Variants in GPR155 observed in about 807,000 individuals in gnomAD.
The protein encoded by GPR155 is G protein-coupled receptor 155.
In GPR155, 65 loss-of-function variants were observed where a neutral mutation model predicts 93.1. The observed-to-expected ratio is 0.70, with a 90% CI of 0.57 to 0.86. The LOEUF (loss-of-function observed/expected upper bound fraction) is 0.86, where lower values mean the gene tolerates loss of function less well. Ranked by LOEUF, GPR155 falls within the 40% of genes least tolerant of loss-of-function variation. The probability of loss-of-function intolerance (pLI) is 0.00; values close to 1 mark genes in which losing one functional copy is unlikely to be tolerated. For missense variants in GPR155, 838 were observed against 1,034.8 expected (o/e 0.81, Z 2.61); for synonymous variants, 319 against 360.1 (o/e 0.89, Z 1.29).
Position 174,481,991 on chromosome 2 carries a change from G to T in GPR155, c.-31-4C>A. On this transcript the variant is annotated splice_region_variant and splice_polypyrimidine_tract_variant and intron_variant, in intron 1 of 15. Transcript: ENST00000392552. ...CCCTCCAACTCCAACCAGATCTCTGGAAAGAAAGGAAGAAAGATTCAGTAT... is the reference window on the plus strand; with the variant it reads ...CCCTCCAACTCCAACCAGATCTCTGTAAAGAAAGGAAGAAAGATTCAGTAT... 2 of 1,411,278 alleles carry T rather than the reference G, an allele frequency of 1.4e-6. No homozygotes were observed. The highest frequency in any genetic ancestry group is 2.0e-6 in the Non-Finnish European group (2 of 1,016,494). The allele number at this position is 1,411,278 out of a possible 1,614,324, so 87.4% of individuals were successfully genotyped here.
intron 7 of GPR155, among the ~76,000 whole-genome samples, chr2:174,464,160 T>C (rs1687775779): frequency 6.6e-6 from 1 of 152,258 alleles, no homozygotes; most frequent in African/African-American, 2.4e-5. Flanking sequence ...TCTATCTTTT[T>C]GGGCCTATTT....
chr2:174,449,831 C>T (rs550140090), intron 11 of GPR155, among the ~76,000 whole-genome samples: 25 of 152,142 alleles, frequency 1.6e-4, no homozygotes, highest in African/African-American at 6.0e-4. Context: ...TAAAAATTAG[C>T]CGGGCATGGT....
intron 11 of GPR155, among the ~76,000 whole-genome samples, chr2:174,449,976 A>AAAAAC (rs1000134341): frequency 6.6e-6 from 1 of 152,018 alleles, no homozygotes; most frequent in African/African-American, 2.4e-5. Flanking sequence ...ACTCCATCTC[A>AAAAAC]AAAACAAAAC....
intron 15 of GPR155, among the ~76,000 whole-genome samples, chr2:174,437,560 T>A (rs1686822788): frequency 1.3e-5 from 2 of 151,210 alleles, no homozygotes; most frequent in African/African-American, 4.9e-5. Context: ...TTGATTTTTT[T>A]ATTTATGGCC....
At chr2:174,437,391 A>C (rs545691436) in intron 15 of GPR155, among the ~76,000 whole-genome samples, 1 of 152,168 alleles carries the variant, frequency 6.6e-6, no homozygotes, top group Non-Finnish European at 1.5e-5. Flanking sequence ...AAAAAGGTTA[A>C]TACTCATGAA....
At chr2:174,442,264 T>G (rs1019157246) in intron 13 of GPR155, 81 bp from the exon 14 acceptor site, 18 of 809,746 alleles carry the variant, frequency 2.2e-5, no homozygotes, top group Non-Finnish European at 3.6e-5. Context: ...GTCACCAAAT[T>G]TAGTGTTTGA....
chr2:174,483,597 T>A (rs1333653940), intron 1 of GPR155, among the ~76,000 whole-genome samples: 1 of 152,176 alleles, frequency 6.6e-6, no homozygotes, highest in Non-Finnish European at 1.5e-5. Flanking sequence ...TTTTTCTTTT[T>A]TTTTCAGATG....
intron 3 of GPR155, among the ~76,000 whole-genome samples, chr2:174,472,704 T>C (rs1688030596): frequency 6.6e-6 from 1 of 152,198 alleles, no homozygotes; most frequent in Admixed American, 6.5e-5. Context: ...CATGAGGAGA[T>C]ACTGAGTAAA....
Position 174,481,997 on chromosome 2 carries a change from A to G in GPR155, c.-31-10T>C, listed in dbSNP as rs1172898639. ...AACTCCAACCAGATCTCTGGAAAGA[A>G]AGGAAGAAAGATTCAGTATGGCCAT... On this transcript the variant is annotated splice_polypyrimidine_tract_variant and intron_variant, in intron 1 of 15. Coordinates refer to ENST00000392552, the MANE Select transcript of GPR155 (RefSeq NM_152529.7). The G allele has an allele frequency of 7.3e-7, 1 of 1,373,448 alleles. No individual in the cohort carries two copies. Among genetic ancestry groups the G allele is most frequent in the East Asian group, 2.3e-5 (1 of 43,450 alleles). The allele number at this position is 1,373,448 out of a possible 1,614,324, so 85.1% of individuals were successfully genotyped here. A position where few individuals can be genotyped will look rare whatever the true frequency, so the allele number is the denominator to read the frequency against.
chr2:174,481,640 A>T lies in GPR155; in HGVS notation c.317T>A (p.Ile106Asn). 4 of 1,613,824 alleles carry T rather than the reference A, an allele frequency of 2.5e-6. No homozygotes were observed. The highest frequency in any genetic ancestry group is 3.4e-6 in the Non-Finnish European group (4 of 1,179,668). The change falls in exon 2 of 16, where the codon ATC becomes AAC. Residue 106 changes from isoleucine to asparagine, a missense_variant. This residue lies in a region of GPR155 where 663 missense variants were observed against 790.1 expected (regional missense o/e 0.84). Transcript: ENST00000392552. The stretch of plus-strand genomic sequence containing the variant: ...AAATACAGAAGCTTTGGCAATTAAG[A>T]TACTATATAGGAAGGACCAGTCCAC... ...SNVDWSFLYSILIAKASVFFI... is the reference protein window; with the variant it reads ...SNVDWSFLYSNLIAKASVFFI...
intron 6 of GPR155, among the ~76,000 whole-genome samples, chr2:174,466,320 A>G (rs1178430373): frequency 1.3e-5 from 2 of 152,304 alleles, no homozygotes; most frequent in African/African-American, 4.8e-5. Flanking sequence ...AAAAATGCAA[A>G]GTTATCATCA....
In GPR155 at chr2:174,460,094, G is replaced by T; in HGVS notation, c.1561-6C>A. Reference sequence around the variant, plus strand: ...GTGACTGCTGTGGTGATCATCTGCCGACATGAAAAAAAGATATCAGGCCAC... The same window carrying T: ...GTGACTGCTGTGGTGATCATCTGCCTACATGAAAAAAAGATATCAGGCCAC... On this transcript the variant is annotated splice_polypyrimidine_tract_variant and splice_region_variant and intron_variant, in intron 9 of 15. Transcript: ENST00000392552. The T allele has an allele frequency of 1.3e-6, 2 of 1,597,560 alleles. No homozygotes were observed. Among genetic ancestry groups the T allele is most frequent in the South Asian group, 1.1e-5 (1 of 89,404 alleles).
At chr2:174,440,839 G>T (rs753764446) in intron 14 of GPR155, among the ~76,000 whole-genome samples, 10 of 152,028 alleles carry the variant, frequency 6.6e-5, no homozygotes, top group Non-Finnish European at 1.0e-4. Context: ...TTAATTCAAA[G>T]AAACCCTTCA....
Position 174,481,794 on chromosome 2 carries a change from A to G in GPR155, c.163T>C (p.Cys55Arg), listed in dbSNP as rs764930206. Reference protein sequence around the residue: ...ALLECFGIVLCGYIAGRANVI... With the variant: ...ALLECFGIVLRGYIAGRANVI... ...TTGGCCCTTCCTGCTATGTAGCCACAAAGGACAATGCCAAAGCATTCCAGT... is the reference window on the plus strand; with the variant it reads ...TTGGCCCTTCCTGCTATGTAGCCACGAAGGACAATGCCAAAGCATTCCAGT... Residue 55 changes from cysteine (C) to arginine (R), a missense_variant, in exon 2 of 16, where the codon TGT becomes CGT. Coordinates refer to ENST00000392552, the MANE Select transcript of GPR155 (RefSeq NM_152529.7). The G allele has an allele frequency of 6.2e-7, 1 of 1,614,238 alleles. No homozygotes were observed. Among genetic ancestry groups the G allele is most frequent in the African/African-American group, 1.3e-5 (1 of 75,066 alleles).
intron 1 of GPR155, among the ~76,000 whole-genome samples, chr2:174,485,007 A>G (rs1026494189): frequency 2.0e-5 from 3 of 152,236 alleles, no homozygotes; most frequent in Admixed American, 6.5e-5. Context: ...AGCAATTGCT[A>G]TTAGGAACTG....
intron 11 of GPR155, among the ~76,000 whole-genome samples, chr2:174,451,584 A>G (rs1687322483): frequency 6.6e-6 from 1 of 152,180 alleles, no homozygotes; most frequent in African/African-American, 2.4e-5. Flanking sequence ...AATGGCTCTC[A>G]TTCTATATAA....
intron 2 of GPR155, among the ~76,000 whole-genome samples, chr2:174,473,642 G>A (rs1441729700): frequency 6.6e-6 from 1 of 152,254 alleles, no homozygotes; most frequent in East Asian, 1.9e-4. Context: ...CTCCAAAAAT[G>A]AGCAGAATTG....
chr2:174,442,567 C>T (rs141822853), intron 13 of GPR155, among the ~76,000 whole-genome samples: 19 of 152,242 alleles, frequency 1.2e-4, no homozygotes, highest in Non-Finnish European at 2.4e-4. Context: ...ACAAGTGTTG[C>T]AGTATCTAAT....
rs761571603 is a variant in GPR155 at position 174,432,885 on chromosome 2, T to C, written c.*3231A>G. ...TTCATGCCATTCTCCTGCCTCAGCCTCCCGAGTAGCTGGGACTATAGGTGC... is the reference window on the plus strand; with the variant it reads ...TTCATGCCATTCTCCTGCCTCAGCCCCCCGAGTAGCTGGGACTATAGGTGC... On this transcript the variant is annotated 3_prime_UTR_variant, in exon 16 of 16. Coordinates refer to ENST00000392552, the MANE Select transcript of GPR155 (RefSeq NM_152529.7). 6.7e-6 allele frequency: 1 copy of C among 149,014 alleles called. No homozygotes were observed. The highest frequency in any genetic ancestry group is 1.5e-5 in the Non-Finnish European group (1 of 67,610). The allele number at this position is 149,014 out of a possible 1,614,324, so 9.2% of individuals were successfully genotyped here. A position where few individuals can be genotyped will look rare whatever the true frequency, so the allele number is the denominator to read the frequency against.
Sources: allele counts gnomAD v4.1 joint callset (sites outside exome capture counted in the v4.1 genomes callset), GRCh38; gene constraint gnomAD v4.1.1; regional missense constraint gnomAD v4.1.1; transcripts MANE v1.5; gene names NCBI Gene and HGNC (gene_info 2026-07-23, HGNC 2026-07-21).